SEC22A: variants seen among roughly 807,000 people sequenced by gnomAD.
SEC22A encodes vesicle-trafficking protein SEC22a.
A neutral mutation model predicts 35.3 loss-of-function variants in SEC22A; 22 were observed. The observed-to-expected ratio is 0.62, with a 90% CI of 0.45 to 0.89. The LOEUF is 0.89. Among genes scored for constraint, SEC22A ranks in the 40% least tolerant of loss-of-function variants. SEC22A has a pLI of 0.00. For missense variants in SEC22A, 354 were observed against 362.5 expected, an observed-to-expected ratio of 0.98 and a Z score of 0.19; for synonymous variants, 119 against 129.5, an observed-to-expected ratio of 0.92 and a Z score of 0.55.
chr3:123,272,096 G>T lies in SEC22A; in HGVS notation c.*374G>T. 2 of 228,798 alleles carry T rather than the reference G, an allele frequency of 8.7e-6. No individual in the cohort carries two copies. Among genetic ancestry groups the T allele is most frequent in the Non-Finnish European group, 1.7e-5 (2 of 116,000 alleles). The allele number at this position is 228,798 out of a possible 1,614,324, so 14.2% of individuals were successfully genotyped here. The stretch of plus-strand genomic sequence containing the variant: ...AACTCTACAACCTGAGTTTGCCTTT[G>T]TGAGGCATTAGTATAGACCAAATAA... On this transcript the variant is annotated 3_prime_UTR_variant, in exon 7 of 7. Transcript: ENST00000492595.
rs150831089 is a variant in SEC22A at position 123,250,698 on chromosome 3, T to A, written c.657+4684T>A. The stretch of plus-strand genomic sequence containing the variant: ...GTTACATGTACAAATGTATGCCCTC[T>A]CAGAACAATGGCCATTTTGAGAAAG... On this transcript the variant is annotated intron_variant, in intron 5 of 6. Coordinates refer to ENST00000492595, the MANE Select transcript of SEC22A (RefSeq NM_012430.5). Among the ~76,000 whole-genome samples the A allele has an allele frequency of 2.6e-5, 4 of 152,288 alleles. No homozygotes were observed. In the East Asian group the frequency reaches 7.7e-4, roughly 29 times the overall value.
At chr3:123,230,699 CAAAAAAA>C (rs376679473) in intron 4 of SEC22A, among the ~76,000 whole-genome samples, 32 of 47,406 alleles carry the variant, frequency 6.8e-4, no homozygotes, top group South Asian at 3.1e-3. Flanking sequence ...TCACTTCATG[CAAAAAAA>C]AAAAAAAAAA....
chr3:123,267,508 T>G (rs1938053782), intron 6 of SEC22A, among the ~76,000 whole-genome samples: 1 of 152,186 alleles, frequency 6.6e-6, no homozygotes, highest in Admixed American at 6.5e-5. Context: ...CTCCCCTATT[T>G]ATAATTGGCT....
At chr3:123,244,014 T>C (rs1322214543) in intron 4 of SEC22A, 2 of 152,220 alleles carry the variant, frequency 1.3e-5, no homozygotes, top group Non-Finnish European at 2.9e-5. Flanking sequence ...CTGCCTCTTA[T>C]TTGTTATTGT....
chr3:123,226,755 G>A (rs774142896), intron 4 of SEC22A, among the ~76,000 whole-genome samples: 7 of 152,142 alleles, frequency 4.6e-5, no homozygotes, highest in Non-Finnish European at 1.0e-4. Flanking sequence ...TTGGTTGCCT[G>A]TACTTGTGGG....
intron 4 of SEC22A, among the ~76,000 whole-genome samples, chr3:123,228,018 A>G (rs1937245546): frequency 6.6e-6 from 1 of 151,974 alleles, no homozygotes; most frequent in South Asian, 2.1e-4. Context: ...CCCATCCTAG[A>G]AGCTTCCTCT....
intron 4 of SEC22A, among the ~76,000 whole-genome samples, chr3:123,243,555 T>A (rs1431094019): frequency 6.6e-6 from 1 of 152,230 alleles, no homozygotes; most frequent in East Asian, 1.9e-4. Context: ...CTACTTTATC[T>A]TTCCACTTCA....
At position 123,217,622 on chromosome 3, in the gene SEC22A, C is replaced by T. The variant is rs538881072; in HGVS notation, c.183-5937C>T. On this transcript the variant is annotated intron_variant, in intron 2 of 6. Coordinates refer to ENST00000492595, the MANE Select transcript of SEC22A (RefSeq NM_012430.5). ...GCTATTCACTGGGCAAATGTGACTA[C>T]AAAGGATAAGCAGAGTTTCTATGTA... is the stretch of plus-strand genomic sequence containing the variant. Among the ~76,000 whole-genome samples, 5 of 152,272 alleles carry T rather than the reference C, an allele frequency of 3.3e-5. No individual in the cohort carries two copies. The South Asian group carries it at 8.3e-4, about 25-fold the overall frequency.
chr3:123,245,758 T>C, intron 4 of SEC22A, 141 bp from the exon 5 acceptor site: 1 of 571,128 alleles, frequency 1.8e-6, no homozygotes, highest in Non-Finnish European at 3.1e-6. Flanking sequence ...TAACAGTATT[T>C]AATTGTGAAT....
rs556659176 is a variant in SEC22A, at chr3:123,209,010, G to T, written c.-19-189G>T. The T allele has an allele frequency of 2.9e-5, 13 of 455,180 alleles. No individual in the cohort carries two copies. The East Asian group carries it at 5.7e-4, about 20-fold the overall frequency. The allele number at this position is 455,180 out of a possible 1,614,324, so 28.2% of individuals were successfully genotyped here. Reference sequence around the variant, plus strand: ...GGGTTTCATCATGTTGGCCAGGCTGGTCTCAAACTCCTGATCTTGTGATCC... The same window carrying T: ...GGGTTTCATCATGTTGGCCAGGCTGTTCTCAAACTCCTGATCTTGTGATCC... On this transcript the variant is annotated intron_variant, in intron 1 of 6. Transcript: ENST00000492595.
intron 6 of SEC22A, among the ~76,000 whole-genome samples, chr3:123,269,177 ATATGTGTGTG>A (rs1254612675): frequency 6.2e-5 from 7 of 112,066 alleles, no homozygotes; most frequent in Non-Finnish European, 1.1e-4. Context: ...TGAATTAAAT[ATATGTGTGTG>A]TGTGTGTGTG....
chr3:123,211,815 C>T (rs185164667), intron 2 of SEC22A, among the ~76,000 whole-genome samples: 1 of 152,072 alleles, frequency 6.6e-6, no homozygotes, highest in East Asian at 1.9e-4. Context: ...CACCTGTAAT[C>T]TCAGCACTTT....
intron 5 of SEC22A, among the ~76,000 whole-genome samples, chr3:123,254,767 G>T (rs1937682892): frequency 6.6e-6 from 1 of 151,646 alleles, no homozygotes; most frequent in South Asian, 2.1e-4. Flanking sequence ...AAGTTCTAGG[G>T]TACATGTGCA....
At chr3:123,252,525 C>T (rs1937626211) in intron 5 of SEC22A, among the ~76,000 whole-genome samples, 1 of 152,148 alleles carries the variant, frequency 6.6e-6, no homozygotes, top group South Asian at 2.1e-4. Flanking sequence ...AATTTTAGAT[C>T]TGACTGAAAA....
At chr3:123,220,894 A>ATATG (rs200536838) in intron 2 of SEC22A, among the ~76,000 whole-genome samples, 1 of 145,210 alleles carries the variant, frequency 6.9e-6, no homozygotes, top group Non-Finnish European at 1.5e-5. Context: ...ATATATATAT[A>ATATG]TATGTCACAT....
intron 2 of SEC22A, among the ~76,000 whole-genome samples, chr3:123,217,004 T>C (rs1464988083): frequency 1.3e-5 from 2 of 151,286 alleles, no homozygotes; most frequent in Admixed American, 6.6e-5. Flanking sequence ...TTTAAAACAA[T>C]TTTTTGTAGA....
intron 4 of SEC22A, among the ~76,000 whole-genome samples, chr3:123,229,498 GTAAAGA>G (rs1028781274): frequency 1.3e-5 from 2 of 152,134 alleles, no homozygotes; most frequent in African/African-American, 4.8e-5. Flanking sequence ...TGAAGGCAAA[GTAAAGA>G]TATTTACAGA....
intron 5 of SEC22A, among the ~76,000 whole-genome samples, chr3:123,257,101 G>A (rs569616422): frequency 6.2e-4 from 95 of 152,076 alleles, no homozygotes; most frequent in African/African-American, 2.1e-3. Flanking sequence ...CAAAGTACCT[G>A]GTTTGTAAAT....
chr3:123,270,288 A>G (rs1294734699), intron 6 of SEC22A, among the ~76,000 whole-genome samples: 1 of 98,554 alleles, frequency 1.0e-5, no homozygotes, highest in East Asian at 2.5e-4. Context: ...ATCACTGATA[A>G]ATACTTCCAA....
Sources: allele counts gnomAD v4.1 joint callset (sites outside exome capture counted in the v4.1 genomes callset), GRCh38; gene constraint gnomAD v4.1.1; transcripts MANE v1.5; gene names NCBI Gene and HGNC (gene_info 2026-07-23, HGNC 2026-07-21).